Variants in ITGAV observed in about 807,000 individuals in gnomAD.
ITGAV encodes the protein integrin alpha-V.
A neutral mutation model predicts 143.8 loss-of-function variants in ITGAV; 76 were observed. That is an observed-to-expected ratio of 0.53 (90% CI 0.44 to 0.64). ITGAV has a LOEUF of 0.64. ITGAV is among the 30% of genes least tolerant of loss of function. ITGAV has a pLI of 0.00. For synonymous variants in ITGAV, 453 were observed against 446.7 expected, an observed-to-expected ratio of 1.01 and a Z score of -0.18; for missense variants, 1,193 against 1,274.7, an observed-to-expected ratio of 0.94 and a Z score of 0.98.
In ITGAV at chr2:186,634,737, G is replaced by C. The variant is rs571601435; in HGVS notation, c.632-1345G>C. 1.7e-4 allele frequency among the ~76,000 whole-genome samples: 26 copies of C among 152,282 alleles called. No individual in the cohort carries two copies. In the East Asian group the frequency reaches 4.8e-3, roughly 28 times the overall value. ...AGAAAAATTATAATTGAGTTTTACT[G>C]TTTTAAAACAAAAATAGCAGTTCTA... On this transcript the variant is annotated intron_variant, in intron 6 of 29. Coordinates refer to ENST00000261023, the MANE Select transcript of ITGAV (RefSeq NM_002210.5).
intron 10 of ITGAV, among the ~76,000 whole-genome samples, chr2:186,639,125 C>T (rs1688033737): frequency 6.6e-6 from 1 of 151,972 alleles, no homozygotes; most frequent in African/African-American, 2.4e-5. Flanking sequence ...AGATATTTCT[C>T]AGCTAAAAAA....
chr2:186,667,932 C>T (rs1688945698), intron 24 of ITGAV, 156 bp downstream of exon 24: 1 of 386,424 alleles, frequency 2.6e-6, no homozygotes, highest in African/African-American at 2.0e-5. Flanking sequence ...TTTCCCTATA[C>T]ATAAATTCAT....
chr2:186,635,366 G>A (rs747610533), intron 6 of ITGAV, among the ~76,000 whole-genome samples: 2 of 152,128 alleles, frequency 1.3e-5, no homozygotes, highest in Non-Finnish European at 2.9e-5. Context: ...TCTTGGTACC[G>A]CTGAAGCCCA....
chr2:186,659,779 G>C lies in ITGAV; in HGVS notation c.1857+604G>C, dbSNP rs1688693575. ...TTTTTGTCTTTCTGAGATCCCATAA[G>C]CTCTTTTTTTTTTGGTTTGTTTTCT... On this transcript the variant is annotated intron_variant, in intron 18 of 29. Coordinates refer to ENST00000261023, the MANE Select transcript of ITGAV (RefSeq NM_002210.5). Among the ~76,000 whole-genome samples the C allele has an allele frequency of 2.0e-5, 3 of 149,328 alleles. No individual in the cohort carries two copies. In the South Asian group the frequency reaches 6.3e-4, roughly 31 times the overall value.
chr2:186,605,555 C>G lies in ITGAV; in HGVS notation c.316+3404C>G, dbSNP rs1378429395. 7.2e-5 allele frequency among the ~76,000 whole-genome samples: 11 copies of G among 152,014 alleles called. No individual in the cohort carries two copies. The East Asian group carries it at 7.7e-4, about 11-fold the overall frequency. On this transcript the variant is annotated intron_variant, in intron 2 of 29. Coordinates refer to ENST00000261023, the MANE Select transcript of ITGAV (RefSeq NM_002210.5). Reference sequence around the variant, plus strand: ...TTGTTTTTAGTGAATGTCTCTTTCCCTCAATTAGAATGTAAGTTCCATGAG... The same window carrying G: ...TTGTTTTTAGTGAATGTCTCTTTCCGTCAATTAGAATGTAAGTTCCATGAG...
intron 4 of ITGAV, among the ~76,000 whole-genome samples, 180 bp from the exon 5 acceptor site, chr2:186,630,617 A>G (rs768040181): frequency 1.3e-5 from 2 of 151,996 alleles, no homozygotes; most frequent in Admixed American, 6.6e-5. Flanking sequence ...ATCTGAGTAA[A>G]TGGTGCTGAT....
At chr2:186,676,296 T>G (rs758085184) in intron 28 of ITGAV, 12 of 174,856 alleles carry the variant, frequency 6.9e-5, no homozygotes, top group Non-Finnish European at 4.8e-5. Context: ...TAAACTGGAT[T>G]GGATTATTTA....
At chr2:186,647,813 C>A (rs1350602240) in intron 13 of ITGAV, among the ~76,000 whole-genome samples, 1 of 152,006 alleles carries the variant, frequency 6.6e-6, no homozygotes, top group African/African-American at 2.4e-5. Flanking sequence ...ATTTAGATGA[C>A]CTTTGTGTTG....
At chr2:186,646,956 A>C in intron 13 of ITGAV, 79 bp downstream of exon 13, 1 of 960,304 alleles carries the variant, frequency 1.0e-6, no homozygotes, top group Admixed American at 3.2e-5. Flanking sequence ...TTCTTGATTT[A>C]TGTTATAAAT....
chr2:186,653,438 T>C (rs1688499006), intron 15 of ITGAV, among the ~76,000 whole-genome samples: 1 of 152,318 alleles, frequency 6.6e-6, no homozygotes, highest in Admixed American at 6.5e-5. Flanking sequence ...AGAGAACTTA[T>C]GATCAAGGAG....
intron 18 of ITGAV, among the ~76,000 whole-genome samples, chr2:186,662,820 A>C (rs934650370): frequency 2.2e-4 from 34 of 152,286 alleles, no homozygotes; most frequent in African/African-American, 7.9e-4. Flanking sequence ...TTGAAGCCTT[A>C]ATTCCGGACA....
At chr2:186,590,606 T>C in intron 1 of ITGAV, 83 bp downstream of exon 1, 1 of 1,256,222 alleles carries the variant, frequency 8.0e-7, no homozygotes, top group Non-Finnish European at 1.1e-6. Context: ...GGGATTGATT[T>C]CCGAGAGATC....
chr2:186,625,426 A>G (rs1428803048), intron 3 of ITGAV, 47 bp from the exon 4 acceptor site: 1 of 1,290,634 alleles, frequency 7.7e-7, no homozygotes, highest in African/African-American at 1.5e-5. Flanking sequence ...CTGAAACACT[A>G]AATTTTTAGA....
chr2:186,613,627 T>C (rs1344654128), intron 2 of ITGAV, among the ~76,000 whole-genome samples: 2 of 152,178 alleles, frequency 1.3e-5, no homozygotes, highest in Non-Finnish European at 2.9e-5. Context: ...GAACTTGGTC[T>C]CTTGGCCATT....
chr2:186,673,013 T>A (rs1689108078), intron 26 of ITGAV, among the ~76,000 whole-genome samples: 1 of 152,228 alleles, frequency 6.6e-6, no homozygotes, highest in Non-Finnish European at 1.5e-5. Flanking sequence ...TGAAGATTCA[T>A]ACCTAGGCTT....
At chr2:186,658,965 A>C in intron 17 of ITGAV, 73 bp from the exon 18 acceptor site, 1 of 1,109,960 alleles carries the variant, frequency 9.0e-7, no homozygotes, top group Non-Finnish European at 1.3e-6. Context: ...CTGGCTTTGT[A>C]ATGTGCACTT....
At chr2:186,631,490 ACTTTT>A (rs1276862428) in intron 5 of ITGAV, among the ~76,000 whole-genome samples, 3 of 152,188 alleles carry the variant, frequency 2.0e-5, no homozygotes, top group South Asian at 2.1e-4. Flanking sequence ...TTCTTTATTT[ACTTTT>A]CTTTTGTGTG....
chr2:186,639,338 G>A (rs1688040137), intron 10 of ITGAV, among the ~76,000 whole-genome samples: 1 of 152,142 alleles, frequency 6.6e-6, no homozygotes, highest in Non-Finnish European at 1.5e-5. Flanking sequence ...TGGGCTTTGG[G>A]ATAGGATTGA....
At chr2:186,613,682 T>C (rs773593774) in intron 2 of ITGAV, among the ~76,000 whole-genome samples, 1 of 152,138 alleles carries the variant, frequency 6.6e-6, no homozygotes, top group Non-Finnish European at 1.5e-5. Context: ...GAAGACACTT[T>C]GGAAGTTTAT....
Sources: gnomAD v4.1 joint callset for allele counts (sites outside exome capture counted in the v4.1 genomes callset) on GRCh38, gnomAD v4.1.1 for gene constraint, MANE v1.5 for transcripts, NCBI Gene and HGNC (gene_info 2026-07-23, HGNC 2026-07-21) for gene names.